The following IL5RA variants were observed in gnomAD, a reference collection of about 807,000 sequenced individuals.
The protein encoded by IL5RA is interleukin-5 receptor subunit alpha.
A neutral mutation model predicts 50.0 loss-of-function variants in IL5RA; 49 were observed. The observed-to-expected ratio is 0.98, with a 90% CI of 0.78 to 1.24. The LOEUF is 1.24. IL5RA is among the 50% of genes most tolerant of loss of function. The pLI, the probability that IL5RA is intolerant of heterozygous loss-of-function variation, is 0.00. For synonymous variants in IL5RA, 202 were observed against 174.0 expected, an observed-to-expected ratio of 1.16 and a Z score of -1.26; for missense variants, 600 against 500.4, an observed-to-expected ratio of 1.20 and a Z score of -1.90.
chr3:3,076,676 A>G (rs766016564), intron 9 of IL5RA, 49 bp from the exon 10 acceptor site: 20 of 1,227,286 alleles, frequency 1.6e-5, no homozygotes, highest in Non-Finnish European at 1.9e-5. Flanking sequence ...CCAAGTTAGA[A>G]GCAGCAGGTA....
intron 4 of IL5RA, 62 bp from the exon 5 acceptor site, chr3:3,101,892 T>C (rs887832404): frequency 7.1e-7 from 1 of 1,399,768 alleles, no homozygotes; most frequent in Non-Finnish European, 9.9e-7. Flanking sequence ...AGAGCTATTT[T>C]AATCAAATAT....
chr3:3,073,811 T>C (rs1001283303), intron 11 of IL5RA: 9 of 451,262 alleles, frequency 2.0e-5, no homozygotes, highest in Non-Finnish European at 3.5e-5. Context: ...AAGATGTATA[T>C]GAAAATGCAG....
chr3:3,098,102 C>T (rs1254527577), intron 6 of IL5RA, 35 bp downstream of exon 6: 1 of 1,613,958 alleles, frequency 6.2e-7, no homozygotes, highest in Admixed American at 1.7e-5. Flanking sequence ...CAGGAAACAA[C>T]CATTTGCCTA....
chr3:3,093,453 T>C (rs1178785369), intron 8 of IL5RA, among the ~76,000 whole-genome samples: 1 of 152,238 alleles, frequency 6.6e-6, no homozygotes, highest in Non-Finnish European at 1.5e-5. Flanking sequence ...ACACTTTACA[T>C]GTCTTTGGCT....
intron 10 of IL5RA, among the ~76,000 whole-genome samples, chr3:3,075,900 C>G (rs1231094496): frequency 3.3e-5 from 5 of 152,224 alleles, no homozygotes; most frequent in Admixed American, 3.3e-4. Context: ...ACACCCGGAC[C>G]TTATAAAACT....
intron 9 of IL5RA, among the ~76,000 whole-genome samples, chr3:3,087,329 C>A (rs1052260212): frequency 6.6e-6 from 1 of 152,088 alleles, no homozygotes; most frequent in African/African-American, 2.4e-5. Context: ...CTAACTATAC[C>A]CCCTCCCTGC....
intron 5 of IL5RA, among the ~76,000 whole-genome samples, chr3:3,101,003 A>G (rs1352892374): frequency 6.8e-6 from 1 of 146,448 alleles, no homozygotes; most frequent in African/African-American, 2.5e-5. Context: ...AATAATAATA[A>G]TAATAATAAT....
Position 3,071,311 on chromosome 3 carries a change from C to G in IL5RA, c.1177-1000G>C, listed in dbSNP as rs375969483. Among the ~76,000 whole-genome samples the G allele has an allele frequency of 1.9e-4, 29 of 152,222 alleles. No individual in the cohort carries two copies. The East Asian group carries it at 5.2e-3, about 27-fold the overall frequency. On this transcript the variant is annotated intron_variant, in intron 11 of 11. Transcript: ENST00000446632. Reference sequence around the variant, plus strand: ...TGGCCATTGTAGAAACAAGGAACAGCTGGAAACCAGTCTCATAAATTGAAA... The same window carrying G: ...TGGCCATTGTAGAAACAAGGAACAGGTGGAAACCAGTCTCATAAATTGAAA...
At chr3:3,099,522 G>T (rs233565) in intron 5 of IL5RA, among the ~76,000 whole-genome samples, 1 of 151,860 alleles carries the variant, frequency 6.6e-6, no homozygotes, top group South Asian at 2.1e-4. Flanking sequence ...CCAGCTACTC[G>T]GGAGGTTGAG....
In IL5RA at chr3:3,094,611, T is replaced by C. The variant is rs374333196; in HGVS notation, c.855+688A>G. Among the ~76,000 whole-genome samples the C allele has an allele frequency of 7.9e-5, 12 of 152,382 alleles. No homozygotes were observed. In the East Asian group the frequency reaches 1.5e-3, roughly 20 times the overall value. Reference sequence around the variant, plus strand: ...TTTGAATCCTTGCTTTCGATTCTTTTGTATATGTAATCAGCAGTGGAATTG... The same window carrying C: ...TTTGAATCCTTGCTTTCGATTCTTTCGTATATGTAATCAGCAGTGGAATTG... On this transcript the variant is annotated intron_variant, in intron 8 of 11. Coordinates refer to ENST00000446632, the MANE Select transcript of IL5RA (RefSeq NM_175726.4).
chr3:3,087,456 T>C lies in IL5RA; in HGVS notation c.994+4768A>G, dbSNP rs112157202. 3.2e-3 allele frequency among the ~76,000 whole-genome samples: 489 copies of C among 152,328 alleles called. 1 individual carries two copies. The highest frequency in any genetic ancestry group is 0.011 in the African/African-American group (468 of 41,556). On this transcript the variant is annotated intron_variant, in intron 9 of 11. Coordinates refer to ENST00000446632, the MANE Select transcript of IL5RA (RefSeq NM_175726.4). ...AAAACTTACTCTGTGTCTCATTTTT[T>C]AAATTAAATAACCTTGGGCTATAAT...
chr3:3,105,025 G>T (rs919745049), intron 2 of IL5RA, 38 bp from the exon 3 acceptor site: 3 of 1,378,640 alleles, frequency 2.2e-6, no homozygotes, highest in Non-Finnish European at 3.1e-6. Context: ...TCATCTTGTT[G>T]CTATTTTTAA....
Position 3,110,359 on chromosome 3 carries a change from C to T in IL5RA, c.-560G>A, listed in dbSNP as rs1425785319. On this transcript the variant is annotated 5_prime_UTR_variant, in exon 1 of 12. An upstream start codon of the reference 5' UTR is lost. Transcript: ENST00000446632. ...TTTCCGTGGGTACTCTAAAGCGTTG[C>T]ATTTCTGTTTTGTTTATGTGCCTTG... 1 of 152,192 alleles carries T rather than the reference C, an allele frequency of 6.6e-6. No homozygotes were observed. The highest frequency in any genetic ancestry group is 1.5e-5 in the Non-Finnish European group (1 of 68,044). The allele number at this position is 152,192 out of a possible 1,614,324, so 9.4% of individuals were successfully genotyped here. A position where few individuals can be genotyped will look rare whatever the true frequency, so the allele number is the denominator to read the frequency against.
At chr3:3,105,337 G>A (rs1703859023) in intron 2 of IL5RA, 1 of 162,374 alleles carries the variant, frequency 6.2e-6, no homozygotes, top group Non-Finnish European at 1.3e-5. Context: ...CATGCCTGGT[G>A]GAACCCAAGG....
chr3:3,078,909 C>T (rs557064667), intron 9 of IL5RA, among the ~76,000 whole-genome samples: 22 of 151,574 alleles, frequency 1.5e-4, no homozygotes, highest in Non-Finnish European at 2.8e-4. Flanking sequence ...CTTTTTTAAT[C>T]ACAGTGACTT....
At chr3:3,093,724 C>G (rs1434628947) in intron 8 of IL5RA, among the ~76,000 whole-genome samples, 1 of 152,216 alleles carries the variant, frequency 6.6e-6, no homozygotes, top group Non-Finnish European at 1.5e-5. Flanking sequence ...GCTGTACTGG[C>G]TTTTCCTGTG....
At position 3,104,998 on chromosome 3, in the gene IL5RA, C is replaced by G. The variant is rs775129243; in HGVS notation, c.-3-11G>C. The G allele has an allele frequency of 1.3e-6, 2 of 1,563,772 alleles. No homozygotes were observed. The highest frequency in any genetic ancestry group is 2.7e-5 in the African/African-American group (2 of 73,788). ...CACGATGATCATATCCTACAGAAAA[C>G]AAGGGAGATACCAAAATCATCTTGT... On this transcript the variant is annotated splice_polypyrimidine_tract_variant and intron_variant, in intron 2 of 11. Transcript: ENST00000446632.
chr3:3,105,058 A>G (rs962747141), intron 2 of IL5RA, 71 bp from the exon 3 acceptor site: 34 of 983,244 alleles, frequency 3.5e-5, no homozygotes, highest in Non-Finnish European at 4.8e-5. Flanking sequence ...GCTGCTTTCT[A>G]ACATAAAATG....
At chr3:3,105,624 T>TTCCC (rs576221214) in intron 2 of IL5RA, 1 of 139,754 alleles carries the variant, frequency 7.2e-6, no homozygotes. Flanking sequence ...TTTGTTTTGT[T>TTCCC]CCCCCCCCCA....
Sources: allele counts gnomAD v4.1 joint callset (sites outside exome capture counted in the v4.1 genomes callset), GRCh38; gene constraint gnomAD v4.1.1; transcripts MANE v1.5; gene names NCBI Gene and HGNC (gene_info 2026-07-23, HGNC 2026-07-21).